The following CADM2 variants were observed in gnomAD, a reference collection of about 807,000 sequenced individuals.
CADM2 encodes the protein cell adhesion molecule 2, also known as immunoglobulin superfamily member 4D.
In CADM2, 12 loss-of-function variants were observed where a neutral mutation model predicts 49.8. The ratio of observed to expected loss-of-function variants is 0.24; its 90% CI spans 0.15 to 0.39. CADM2 has a LOEUF of 0.39. Ranked by LOEUF, CADM2 falls within the 10% of genes least tolerant of loss-of-function variation. The pLI, the probability that CADM2 is intolerant of heterozygous loss-of-function variation, is 1.00. For missense variants in CADM2, 378 were observed against 492.3 expected, an observed-to-expected ratio of 0.77 and a Z score of 2.20; for synonymous variants, 214 against 175.4, an observed-to-expected ratio of 1.22 and a Z score of -1.74.
chr3:86,015,008 C>A, intron 8 of CADM2: 1 of 999,472 alleles, frequency 1.0e-6, no homozygotes, highest in Non-Finnish European at 1.6e-6. Context: ...CTTTGCTTAA[C>A]ATAAATTGTG....
At chr3:85,904,706 G>A (rs1368211141) in intron 5 of CADM2, among the ~76,000 whole-genome samples, 1 of 152,162 alleles carries the variant, frequency 6.6e-6, no homozygotes, top group African/African-American at 2.4e-5. Flanking sequence ...TATTTAGCAT[G>A]ATGTTCAGGA....
At chr3:85,342,050 G>A (rs1055537523) in intron 1 of CADM2, among the ~76,000 whole-genome samples, 1 of 152,090 alleles carries the variant, frequency 6.6e-6, no homozygotes, top group Non-Finnish European at 1.5e-5. Flanking sequence ...AACAGCAAAA[G>A]AAACTATCAT....
At chr3:85,381,590 A>ATT (rs60898880) in intron 1 of CADM2, among the ~76,000 whole-genome samples, 1 of 147,956 alleles carries the variant, frequency 6.8e-6, no homozygotes, top group African/African-American at 2.5e-5. Flanking sequence ...GCCATTCCTT[A>ATT]TTTTTTTTTT....
chr3:85,546,578 T>G (rs1330658398), intron 1 of CADM2, among the ~76,000 whole-genome samples: 1 of 152,018 alleles, frequency 6.6e-6, no homozygotes, highest in South Asian at 2.1e-4. Context: ...TAATATTAAA[T>G]TATATATGAT....
chr3:86,046,650 A>C (rs1377721668), intron 8 of CADM2, among the ~76,000 whole-genome samples: 1 of 152,164 alleles, frequency 6.6e-6, no homozygotes, highest in African/African-American at 2.4e-5. Context: ...AAGATTGAGA[A>C]ATCCTGAGTC....
chr3:85,137,326 T>A (rs980318512), intron 1 of CADM2, among the ~76,000 whole-genome samples: 1 of 151,998 alleles, frequency 6.6e-6, no homozygotes, highest in Non-Finnish European at 1.5e-5. Context: ...CTTTTACTTT[T>A]ATTGCTGTCA....
At chr3:85,690,006 G>A (rs1389512740) in intron 1 of CADM2, among the ~76,000 whole-genome samples, 4 of 152,188 alleles carry the variant, frequency 2.6e-5, no homozygotes, top group Non-Finnish European at 4.4e-5. Context: ...TTACTGCAAA[G>A]ACCTTGAGGT....
chr3:85,116,392 A>T (rs2038639440), intron 1 of CADM2, among the ~76,000 whole-genome samples: 1 of 152,126 alleles, frequency 6.6e-6, no homozygotes, highest in Admixed American at 6.6e-5. Flanking sequence ...GTGTAGAGAG[A>T]TTCCTTTTTG....
chr3:85,769,512 CACGTATATACAT>C (rs2069922592), intron 2 of CADM2, among the ~76,000 whole-genome samples: 1 of 53,636 alleles, frequency 1.9e-5, no homozygotes. Context: ...TGTATATATA[CACGTATATACAT>C]ATATGTATAT....
At chr3:86,000,686 A>G in intron 8 of CADM2, among the ~76,000 whole-genome samples, 1 of 142,082 alleles carries the variant, frequency 7.0e-6, no homozygotes, top group East Asian at 1.9e-4. Context: ...AACAGAAAGA[A>G]AAAAAAAAAG....
chr3:85,235,526 T>G (rs912915676), intron 1 of CADM2, among the ~76,000 whole-genome samples: 2 of 152,110 alleles, frequency 1.3e-5, no homozygotes, highest in African/African-American at 4.8e-5. Context: ...AAAATTGAAA[T>G]GCTATTAAAT....
At chr3:85,554,411 C>A (rs1198229347) in intron 1 of CADM2, among the ~76,000 whole-genome samples, 2 of 151,990 alleles carry the variant, frequency 1.3e-5, no homozygotes, top group African/African-American at 4.8e-5. Context: ...GTTGGCGGCA[C>A]AAAGGTTAGG....
intron 7 of CADM2, among the ~76,000 whole-genome samples, chr3:85,953,962 T>A (rs1201958796): frequency 6.6e-6 from 1 of 150,928 alleles, no homozygotes. Flanking sequence ...AAGTTTTGTT[T>A]TTTTCTCATG....
intron 1 of CADM2, among the ~76,000 whole-genome samples, chr3:85,453,981 C>T (rs2107574371): frequency 6.6e-6 from 1 of 152,190 alleles, no homozygotes; most frequent in Non-Finnish European, 1.5e-5. Context: ...CAGTATTAAA[C>T]ATTTGGGAAA....
chr3:85,413,590 C>G (rs2035777711), intron 1 of CADM2, among the ~76,000 whole-genome samples: 1 of 152,118 alleles, frequency 6.6e-6, no homozygotes, highest in Non-Finnish European at 1.5e-5. Flanking sequence ...GAAGCAGGAA[C>G]GTCTACAAGG....
intron 1 of CADM2, among the ~76,000 whole-genome samples, chr3:85,049,327 GTTTATTTA>G (rs141705505): frequency 0.015 from 2,124 of 146,214 alleles, 22 homozygotes; most frequent in Non-Finnish European, 0.023. Flanking sequence ...TGCAGGTTTA[GTTTATTTA>G]TTTATTTATT....
At chr3:85,720,281 T>G (rs1021924618) in intron 1 of CADM2, among the ~76,000 whole-genome samples, 3 of 152,172 alleles carry the variant, frequency 2.0e-5, no homozygotes, top group Non-Finnish European at 4.4e-5. Flanking sequence ...TTTTCATTAT[T>G]TTGAAAAAAT....
chr3:85,312,506 A>C (rs1252811655), intron 1 of CADM2, among the ~76,000 whole-genome samples: 4 of 152,048 alleles, frequency 2.6e-5, no homozygotes, highest in Admixed American at 2.6e-4. Flanking sequence ...ATTTGATTTC[A>C]TCATCTAGTT....
chr3:85,626,601 A>C (rs967737897), intron 1 of CADM2, among the ~76,000 whole-genome samples: 1 of 152,016 alleles, frequency 6.6e-6, no homozygotes, highest in African/African-American at 2.4e-5. Context: ...CAAAACAGCA[A>C]TTACTTTGTC....
Sources: gnomAD v4.1 joint callset for allele counts (sites outside exome capture counted in the v4.1 genomes callset) on GRCh38, gnomAD v4.1.1 for gene constraint, MANE v1.5 for transcripts, NCBI Gene and HGNC (gene_info 2026-07-23, HGNC 2026-07-21) for gene names.